SLC16A9: variants seen among roughly 807,000 people sequenced by gnomAD.
The protein encoded by SLC16A9 is solute carrier family 16 member 9, also known as monocarboxylate transporter 9.
In SLC16A9, 26 loss-of-function variants were observed where a neutral mutation model predicts 44.3. That is an observed-to-expected ratio of 0.59 (90% CI 0.43 to 0.81). SLC16A9 has a LOEUF of 0.81. SLC16A9 is among the 40% of genes least tolerant of loss of function. The pLI, the probability that SLC16A9 is intolerant of heterozygous loss-of-function variation, is 0.00. For synonymous variants in SLC16A9, 230 were observed against 225.1 expected, an observed-to-expected ratio of 1.02 and a Z score of -0.19; for missense variants, 559 against 595.8, an observed-to-expected ratio of 0.94 and a Z score of 0.64.
intron 3 of SLC16A9, among the ~76,000 whole-genome samples, chr10:59,666,731 G>C (rs988803495): frequency 6.6e-6 from 1 of 151,944 alleles, no homozygotes; most frequent in African/African-American, 2.4e-5. Context: ...ATATAACATC[G>C]TTTTATTTGA....
Position 59,698,812 on chromosome 10 carries a change from A to C in SLC16A9, c.-37+10667T>G, listed in dbSNP as rs546616846. ...GAGTGCAATGGCAGGATCTTGGCTC[A>C]TTGCAACCTCCACCTCCCGGGTTCA... On this transcript the variant is annotated intron_variant, in intron 1 of 5. Transcript: ENST00000395348. 1.5e-4 allele frequency among the ~76,000 whole-genome samples: 22 copies of C among 150,284 alleles called. No individual in the cohort carries two copies. In the South Asian group the frequency reaches 2.7e-3, roughly 19 times the overall value.
intron 1 of SLC16A9, among the ~76,000 whole-genome samples, chr10:59,700,131 T>C (rs976790079): frequency 1.3e-5 from 2 of 152,150 alleles, no homozygotes; most frequent in African/African-American, 4.8e-5. Flanking sequence ...CCCAGGTTAG[T>C]GACAGCCAAA....
Position 59,654,022 on chromosome 10 carries a change from T to C in SLC16A9, c.1004A>G (p.Asn335Ser). 6.2e-7 allele frequency: 1 copy of C among 1,613,960 alleles called. No homozygotes were observed. The highest frequency in any genetic ancestry group is 1.1e-5 in the South Asian group (1 of 91,068). ...LLMEDVARSS[N>S]VKEEEFIMPL... ...CATAATAAACTCTTCTTCTTTCACG[T>C]TTGAACTTCTTGCTACATCTTCCAT... The change falls in exon 5 of 6, where the codon AAC becomes AGC. Residue 335 changes from asparagine to serine, a missense_variant. Physicochemically the swap from Asn to Ser is conservative, Grantham distance 46. Transcript: ENST00000395348.
At chr10:59,709,351 C>G (rs1300266991) in intron 1 of SLC16A9, 128 bp downstream of exon 1, 4 of 152,314 alleles carry the variant, frequency 2.6e-5, no homozygotes, top group South Asian at 2.1e-4. Flanking sequence ...GACAAAAGCC[C>G]GGTTCCATGC....
chr10:59,674,118 T>G (rs552407875), intron 2 of SLC16A9, among the ~76,000 whole-genome samples: 1 of 152,208 alleles, frequency 6.6e-6, no homozygotes, highest in Admixed American at 6.5e-5. Context: ...ATGAGTGTAT[T>G]CAGTTCATGA....
intron 1 of SLC16A9, among the ~76,000 whole-genome samples, chr10:59,697,805 T>A (rs1177038019): frequency 6.6e-6 from 1 of 150,626 alleles, no homozygotes; most frequent in African/African-American, 2.4e-5. Context: ...GATCAGAGGC[T>A]TCTTAAATCA....
At chr10:59,694,280 T>C (rs1361076701) in intron 1 of SLC16A9, among the ~76,000 whole-genome samples, 1 of 152,162 alleles carries the variant, frequency 6.6e-6, no homozygotes, top group East Asian at 1.9e-4. Context: ...CCAGTTGTGG[T>C]GGCCTTGATC....
chr10:59,706,555 A>C (rs1840639947), intron 1 of SLC16A9, among the ~76,000 whole-genome samples: 1 of 151,992 alleles, frequency 6.6e-6, no homozygotes, highest in African/African-American at 2.4e-5. Flanking sequence ...TGTTCCTTGC[A>C]GCATTATTCA....
At chr10:59,674,061 C>CG (rs1839808313) in intron 2 of SLC16A9, among the ~76,000 whole-genome samples, 1 of 152,168 alleles carries the variant, frequency 6.6e-6, no homozygotes, top group South Asian at 2.1e-4. Flanking sequence ...GCCAAACTTG[C>CG]GGGGTATTGC....
At chr10:59,656,329 CAA>C (rs1839348009) in intron 4 of SLC16A9, among the ~76,000 whole-genome samples, 1 of 152,196 alleles carries the variant, frequency 6.6e-6, no homozygotes, top group South Asian at 2.1e-4. Context: ...CAGATTCTAA[CAA>C]AGTGTCACAT....
intron 1 of SLC16A9, among the ~76,000 whole-genome samples, chr10:59,686,276 A>T (rs1346394829): frequency 6.6e-6 from 1 of 151,400 alleles, no homozygotes; most frequent in East Asian, 1.9e-4. Context: ...TTATAATTAC[A>T]CTCCTTTTGA....
chr10:59,696,758 G>C (rs1347880758), intron 1 of SLC16A9, among the ~76,000 whole-genome samples: 1 of 148,100 alleles, frequency 6.8e-6, no homozygotes, highest in Non-Finnish European at 1.5e-5. Context: ...CGGCCGCCCC[G>C]TCTGAGAAGT....
rs1318681530 is a variant in SLC16A9, at chr10:59,707,244, A to AGAGGGGAGGGCAGAG, written c.-37+2220_-37+2234dup. Among the ~76,000 whole-genome samples, 82 of 130,616 alleles carry AGAGGGGAGGGCAGAG rather than the reference A, an allele frequency of 6.3e-4. 1 individual carries two copies. The highest frequency in any genetic ancestry group is 8.8e-4 in the Admixed American group (11 of 12,434). The allele number at this position is 130,616 out of a possible 152,430, so 85.7% of individuals were successfully genotyped here. On this transcript the variant is annotated intron_variant, in intron 1 of 5. Transcript: ENST00000395348. ...AGAGAGAAGAAAAGAGGGAAGGAAA[A>AGAGGGGAGGGCAGAG]GAGGGGAGGGCAGAGGAGGGGAGGG...
chr10:59,685,621 G>A (rs1264241609), intron 1 of SLC16A9, among the ~76,000 whole-genome samples: 4 of 152,054 alleles, frequency 2.6e-5, no homozygotes, highest in Non-Finnish European at 5.9e-5. Context: ...TTCCAGTATG[G>A]GACTTTATCT....
intron 4 of SLC16A9, among the ~76,000 whole-genome samples, chr10:59,660,168 GA>G (rs1289849648): frequency 6.6e-6 from 1 of 152,076 alleles, no homozygotes; most frequent in Non-Finnish European, 1.5e-5. Context: ...AACTGAAGGA[GA>G]TAGAGACATG....
rs778519479 is a variant in SLC16A9, at chr10:59,672,743, G to A, written c.340+27C>T. ...ATGATGTGTATCTCTTGAAGGTTAG[G>A]AAAGTCATAGTGACGAGGTTCCTTA... is the stretch of plus-strand genomic sequence containing the variant. On this transcript the variant is annotated intron_variant, in intron 3 of 5. Transcript: ENST00000395348. 8 of 1,600,846 alleles carry A rather than the reference G, an allele frequency of 5.0e-6. No homozygotes were observed. In the Admixed American group the frequency reaches 1.4e-4, roughly 28 times the overall value.
chr10:59,660,830 G>A (rs183368642), intron 4 of SLC16A9, among the ~76,000 whole-genome samples: 19 of 152,290 alleles, frequency 1.2e-4, no homozygotes, highest in Non-Finnish European at 2.5e-4. Context: ...TCATCCCTGG[G>A]ATGCAAGGCT....
chr10:59,678,025 A>C (rs1839897031), intron 2 of SLC16A9, among the ~76,000 whole-genome samples: 2 of 133,374 alleles, frequency 1.5e-5, no homozygotes, highest in Non-Finnish European at 3.2e-5. Context: ...TCCCAATGCT[A>C]TCCCTCCCCC....
chr10:59,672,699 T>A (rs750899760), intron 3 of SLC16A9, 71 bp downstream of exon 3: 4 of 1,424,284 alleles, frequency 2.8e-6, no homozygotes, highest in Non-Finnish European at 3.8e-6. Flanking sequence ...AACTGGATCA[T>A]AAACCTGGCA....
Sources: gnomAD v4.1 joint callset for allele counts (sites outside exome capture counted in the v4.1 genomes callset) on GRCh38, gnomAD v4.1.1 for gene constraint, MANE v1.5 for transcripts, NCBI Gene and HGNC (gene_info 2026-07-23, HGNC 2026-07-21) for gene names.